The following KCNN1 variants were observed in gnomAD, a reference collection of about 807,000 sequenced individuals.
KCNN1 encodes potassium calcium-activated channel subfamily N member 1, also known as small conductance calcium-activated potassium channel protein 1.
A neutral mutation model predicts 44.7 loss-of-function variants in KCNN1; 20 were observed. The ratio of observed to expected loss-of-function variants is 0.45; its 90% confidence interval spans 0.32 to 0.65. KCNN1 has a LOEUF of 0.65. KCNN1 is among the 30% of genes least tolerant of loss of function. The pLI, the probability that KCNN1 is intolerant of heterozygous loss-of-function variation, is 0.05. For missense variants in KCNN1, 632 were observed against 785.3 expected, an observed-to-expected ratio of 0.80 and a Z score of 2.33; for synonymous variants, 324 against 341.7, an observed-to-expected ratio of 0.95 and a Z score of 0.57.
At chr19:17,972,029 A>G (rs2032040635) in intron 1 of KCNN1, 1 of 151,858 alleles carries the variant, frequency 6.6e-6, no homozygotes. Flanking sequence ...TAAATCATCT[A>G]TGGCCATACC....
chr19:17,970,409 C>A (rs1413333640), intron 1 of KCNN1, among the ~76,000 whole-genome samples: 1 of 134,694 alleles, frequency 7.4e-6, no homozygotes, highest in Non-Finnish European at 1.5e-5. Context: ...CCTCCACTTC[C>A]CGGGTTCAAG....
At chr19:17,994,636 C>A (rs907141664) in intron 9 of KCNN1, among the ~76,000 whole-genome samples, 1 of 151,978 alleles carries the variant, frequency 6.6e-6, no homozygotes. Flanking sequence ...TTCCGCCTCC[C>A]GGGTTCAAGC....
intron 3 of KCNN1, 54 bp from the exon 4 acceptor site, chr19:17,981,655 G>A: frequency 6.7e-7 from 1 of 1,495,404 alleles, no homozygotes. Context: ...GGGCTGGGCA[G>A]GGAGCGCGGC....
chr19:17,985,967 T>G (rs1262776388), intron 5 of KCNN1, among the ~76,000 whole-genome samples: 1 of 152,102 alleles, frequency 6.6e-6, no homozygotes, highest in Non-Finnish European at 1.5e-5. Flanking sequence ...TGGTGGCTCA[T>G]GCCTGTAATC....
chr19:17,959,953 G>T (rs1024180760), intron 2 of KCNN1, among the ~76,000 whole-genome samples: 2 of 151,730 alleles, frequency 1.3e-5, no homozygotes, highest in Non-Finnish European at 2.9e-5. Flanking sequence ...CGTGATGGTG[G>T]GCACCTGTAA....
chr19:17,962,590 G>A (rs543997288), upstream of KCNN1, among the ~76,000 whole-genome samples: 6 of 152,128 alleles, frequency 3.9e-5, no homozygotes, highest in African/African-American at 9.6e-5. Flanking sequence ...CCTGAATCCC[G>A]AGAGCTCAGG....
chr19:17,970,437 C>T (rs1208791795), intron 1 of KCNN1, among the ~76,000 whole-genome samples: 1 of 150,926 alleles, frequency 6.6e-6, no homozygotes, highest in Non-Finnish European at 1.5e-5. Context: ...TGTGCCTCAG[C>T]CTCCCAAGTA....
intron 5 of KCNN1, 136 bp downstream of exon 5, chr19:17,985,589 A>G (rs2032568857): frequency 2.8e-6 from 2 of 723,364 alleles, no homozygotes; most frequent in South Asian, 5.4e-5. Context: ...TCCATCTGTC[A>G]GTCCACCCCT....
chr19:17,993,702 A>G lies in KCNN1; in HGVS notation c.1377+143A>G. ...GGCGGGCGGATCGCTTGAGCTCAGG[A>G]GTTTGAGACCAGCCTGGGCAACATG... is the stretch of plus-strand genomic sequence containing the variant. On this transcript the variant is annotated intron_variant, in intron 9 of 9. Transcript: ENST00000684775. The surrounding 1 kb of genome is among the most constrained non-coding windows in gnomAD (Gnocchi z 4.5). The G allele has an allele frequency of 1.5e-6, 1 of 683,068 alleles. No individual in the cohort carries two copies. The highest frequency in any genetic ancestry group is 1.6e-5 in the South Asian group (1 of 61,012). 42.3% of individuals were successfully genotyped at this position (683,068 alleles called of 1,614,324 possible). A position where few individuals can be genotyped will look rare whatever the true frequency, so the allele number is the denominator to read the frequency against.
Position 17,974,991 on chromosome 19 carries a change from T to C in KCNN1, c.403-101T>C. The C allele has an allele frequency of 1.2e-6, 1 of 842,090 alleles. No individual in the cohort carries two copies. The highest frequency in any genetic ancestry group is 2.0e-6 in the Non-Finnish European group (1 of 495,724). 52.2% of individuals were successfully genotyped at this position (842,090 alleles called of 1,614,324 possible). A position where few individuals can be genotyped will look rare whatever the true frequency, so the allele number is the denominator to read the frequency against. ...GGAGAAGCCACTGGGAAGAGCCCCA[T>C]TTAGCTGACTCCCATGCCCGGGAGC... is the stretch of plus-strand genomic sequence containing the variant. On this transcript the variant is annotated intron_variant, in intron 2 of 9. Coordinates refer to ENST00000684775, the MANE Select transcript of KCNN1 (RefSeq NM_001386974.1). The surrounding 1 kb of genome is among the most constrained non-coding windows in gnomAD (Gnocchi z 7.3).
chr19:17,988,316 G>A (rs1378875312), intron 5 of KCNN1, 99 bp from the exon 6 acceptor site: 1 of 903,770 alleles, frequency 1.1e-6, no homozygotes, highest in African/African-American at 1.6e-5. Context: ...TCACACTGCT[G>A]GCTCAGAGAA....
At chr19:17,958,312 C>T (rs1186646555) in intron 2 of KCNN1, among the ~76,000 whole-genome samples, 1 of 151,860 alleles carries the variant, frequency 6.6e-6, no homozygotes, top group Non-Finnish European at 1.5e-5. Flanking sequence ...AAGACCCCAT[C>T]TCTACAAAAG....
At chr19:17,967,068 C>A, upstream of KCNN1, 6 of 969,854 alleles carry the variant, frequency 6.2e-6, no homozygotes, top group Non-Finnish European at 7.3e-6. Flanking sequence ...TCGGCGGCGG[C>A]TCCCGCGTCG....
At chr19:17,955,397 A>G (rs1463200095) in intron 2 of KCNN1, among the ~76,000 whole-genome samples, 1 of 151,494 alleles carries the variant, frequency 6.6e-6, no homozygotes, top group East Asian at 1.9e-4. Flanking sequence ...CCCCATCTCT[A>G]CTAAAAATAC....
In KCNN1 at chr19:17,974,996, C is replaced by A; in HGVS notation, c.403-96C>A. 1.1e-6 allele frequency: 1 copy of A among 888,710 alleles called. No individual in the cohort carries two copies. The highest frequency in any genetic ancestry group is 1.9e-6 in the Non-Finnish European group (1 of 534,282). 55.1% of individuals were successfully genotyped at this position (888,710 alleles called of 1,614,324 possible). A position where few individuals can be genotyped will look rare whatever the true frequency, so the allele number is the denominator to read the frequency against. ...AGCCACTGGGAAGAGCCCCATTTAG[C>A]TGACTCCCATGCCCGGGAGCCAGGG... On this transcript the variant is annotated intron_variant, in intron 2 of 9. Coordinates refer to ENST00000684775, the MANE Select transcript of KCNN1 (RefSeq NM_001386974.1). This position sits in a 1 kb window ranked among gnomAD's most constrained non-coding sequence, Gnocchi z 7.3.
rs370392950 is a variant in KCNN1 at position 17,974,257 on chromosome 19, G to A, written c.369G>A (p.Thr123=). 19 of 1,599,918 alleles carry A rather than the reference G, an allele frequency of 1.2e-5. No individual in the cohort carries two copies. Among genetic ancestry groups the A allele is most frequent in the East Asian group, 2.2e-5 (1 of 44,738 alleles). ...TGTTTGGCATCGTCGTCATGGTGAC[G>A]GAGACCGAGCTGTCCTGGGGGGTGT... ...FGMFGIVVMV[T]ETELSWGVYT... The change falls in exon 2 of 10, where the codon ACG becomes ACA. Residue 123 remains threonine, a synonymous_variant. Transcript: ENST00000684775. The surrounding 1 kb of genome is among the most constrained non-coding windows in gnomAD (Gnocchi z 7.3).
chr19:17,985,730 T>TC (rs2032573466), intron 5 of KCNN1, among the ~76,000 whole-genome samples: 1 of 152,178 alleles, frequency 6.6e-6, no homozygotes, highest in South Asian at 2.1e-4. Context: ...GAAGCTGCGG[T>TC]CCACTCTGAC....
chr19:17,953,364 C>T (rs1019718469), intron 1 of KCNN1, among the ~76,000 whole-genome samples: 3 of 152,220 alleles, frequency 2.0e-5, no homozygotes, highest in Non-Finnish European at 4.4e-5. Flanking sequence ...CACCAAGTCC[C>T]CCTGGCTGGA....
intron 1 of KCNN1, among the ~76,000 whole-genome samples, chr19:17,969,917 G>A (rs117210511): frequency 7.2e-5 from 11 of 152,360 alleles, no homozygotes; most frequent in South Asian, 2.1e-4. Flanking sequence ...GGTAGCCAGC[G>A]GATGTTCAGG....
Sources: gnomAD v4.1 joint callset for allele counts (sites outside exome capture counted in the v4.1 genomes callset) on GRCh38, gnomAD v4.1.1 for gene constraint, Gnocchi (gnomAD v3.1) non-coding constraint, MANE v1.5 for transcripts, NCBI Gene and HGNC (gene_info 2026-07-23, HGNC 2026-07-21) for gene names.